Variants in CSMD1 observed in about 807,000 individuals in gnomAD.
CSMD1 encodes CUB and sushi domain-containing protein 1.
Under a neutral mutation model 417.5 loss-of-function variants are expected in CSMD1, and 213 were observed. The ratio of observed to expected loss-of-function variants is 0.51; its 90% CI spans 0.46 to 0.57. The LOEUF (loss-of-function observed/expected upper bound fraction) is 0.57. CSMD1 is among the 20% of genes least tolerant of loss of function. The pLI is 0.00. For missense variants in CSMD1, 6,923 were observed against 4,529.7 expected (o/e 1.53, Z -15.17); for synonymous variants, 2,862 against 1,736.8 (o/e 1.65, Z -16.11).
intron 3 of CSMD1, among the ~76,000 whole-genome samples, chr8:4,322,463 C>T (rs1380505225): frequency 1.3e-5 from 2 of 152,042 alleles, no homozygotes; most frequent in Non-Finnish European, 2.9e-5. Context: ...AAACCCATAG[C>T]TCTTAGGGAT....
intron 3 of CSMD1, among the ~76,000 whole-genome samples, chr8:4,046,180 G>A (rs1178874567): frequency 6.6e-6 from 1 of 151,980 alleles, no homozygotes; most frequent in Non-Finnish European, 1.5e-5. Flanking sequence ...ATTTATATGT[G>A]TATGTGTGCG....
intron 18 of CSMD1, among the ~76,000 whole-genome samples, chr8:3,384,262 A>T (rs1167779620): frequency 6.6e-6 from 1 of 152,132 alleles, no homozygotes; most frequent in African/African-American, 2.4e-5. Flanking sequence ...TTAAGTTTTG[A>T]ATCTTTATAT....
At chr8:3,600,572 G>C (rs762621662) in intron 8 of CSMD1, among the ~76,000 whole-genome samples, 2 of 152,284 alleles carry the variant, frequency 1.3e-5, no homozygotes, top group Middle Eastern at 3.4e-3. Flanking sequence ...TACTCACCCA[G>C]CTTGCCAGTA....
intron 1 of CSMD1, among the ~76,000 whole-genome samples, chr8:4,886,259 G>C (rs1803732009): frequency 6.6e-6 from 1 of 151,964 alleles, no homozygotes; most frequent in Admixed American, 6.6e-5. Context: ...CAAAATGCTG[G>C]AATTTCTGAT....
At chr8:3,127,805 T>C (rs1417862192) in intron 41 of CSMD1, 4 of 150,452 alleles carry the variant, frequency 2.7e-5, no homozygotes, top group African/African-American at 9.8e-5. Flanking sequence ...TGCAGCAATA[T>C]GCTTTATAAC....
rs547629413 is a variant in CSMD1 at position 4,021,618 on chromosome 8, T to C, written c.610+10287A>G. Among the ~76,000 whole-genome samples the C allele has an allele frequency of 5.9e-5, 9 of 152,292 alleles. No individual in the cohort carries two copies. In the South Asian group the frequency reaches 1.2e-3, roughly 21 times the overall value. ...TGATGCCCTCAAATGACTTATCACA[T>C]GTAGCTGCTCTTTTTAAACTCTCTC... On this transcript the variant is annotated intron_variant, in intron 4 of 69. Coordinates refer to ENST00000635120, the MANE Select transcript of CSMD1 (RefSeq NM_033225.6).
intron 3 of CSMD1, among the ~76,000 whole-genome samples, chr8:4,387,264 TA>T (rs1803514928): frequency 6.6e-6 from 1 of 152,184 alleles, no homozygotes; most frequent in African/African-American, 2.4e-5. Flanking sequence ...TCTTAAGCTA[TA>T]GGAGCAGACT....
At chr8:3,581,780 C>G (rs1800393152) in intron 9 of CSMD1, among the ~76,000 whole-genome samples, 1 of 152,112 alleles carries the variant, frequency 6.6e-6, no homozygotes, top group Non-Finnish European at 1.5e-5. Context: ...CAGGAAAATT[C>G]AAAACTATGA....
intron 4 of CSMD1, among the ~76,000 whole-genome samples, chr8:4,001,227 A>G (rs1815647080): frequency 6.6e-6 from 1 of 152,192 alleles, no homozygotes; most frequent in African/African-American, 2.4e-5. Context: ...TTCTTCTGGG[A>G]AAACCTCTCA....
intron 1 of CSMD1, among the ~76,000 whole-genome samples, chr8:4,820,362 C>A (rs947680636): frequency 1.3e-5 from 2 of 152,128 alleles, no homozygotes; most frequent in Admixed American, 6.6e-5. Context: ...GACTCATATG[C>A]ACTTCTATGA....
At chr8:4,420,734 G>C (rs1238884) in intron 2 of CSMD1, among the ~76,000 whole-genome samples, 13 of 152,170 alleles carry the variant, frequency 8.5e-5, no homozygotes, top group Non-Finnish European at 1.5e-4. Context: ...GCTGTGAGCC[G>C]TCTAGAGGGC....
At chr8:3,163,500 C>G (rs1307579973) in intron 37 of CSMD1, among the ~76,000 whole-genome samples, 2 of 152,034 alleles carry the variant, frequency 1.3e-5, no homozygotes, top group African/African-American at 4.8e-5. Flanking sequence ...ACGCAGCTGC[C>G]TGCACTGCCC....
intron 3 of CSMD1, among the ~76,000 whole-genome samples, chr8:4,240,606 C>A (rs1038743737): frequency 1.3e-5 from 2 of 152,184 alleles, no homozygotes; most frequent in African/African-American, 2.4e-5. Flanking sequence ...TCCTTTCACA[C>A]TGAGGATGGC....
intron 1 of CSMD1, among the ~76,000 whole-genome samples, chr8:4,638,194 A>G (rs933875702): frequency 1.3e-4 from 20 of 152,182 alleles, no homozygotes; most frequent in African/African-American, 4.8e-4. Flanking sequence ...GGTGCTATCT[A>G]CATAGTATCA....
chr8:4,203,527 G>C (rs1799788773), intron 3 of CSMD1, among the ~76,000 whole-genome samples: 1 of 152,148 alleles, frequency 6.6e-6, no homozygotes, highest in Non-Finnish European at 1.5e-5. Context: ...GTGAATCCAA[G>C]TACCTTCTGT....
At chr8:4,180,592 G>C (rs1011532530) in intron 3 of CSMD1, among the ~76,000 whole-genome samples, 4 of 151,614 alleles carry the variant, frequency 2.6e-5, no homozygotes, top group African/African-American at 7.2e-5. Context: ...ATTAAAAAAA[G>C]AAAAAATAAA....
At chr8:3,262,432 T>C (rs1321469242) in intron 26 of CSMD1, among the ~76,000 whole-genome samples, 1 of 151,398 alleles carries the variant, frequency 6.6e-6, no homozygotes. Context: ...TAATGACCAT[T>C]CTCTTGGAAT....
rs188288969 is a variant in CSMD1 at position 4,447,589 on chromosome 8, C to T, written c.303-27524G>A. On this transcript the variant is annotated intron_variant, in intron 2 of 69. Transcript: ENST00000635120. ...ATACCAATGCTCTGTCAACAGAAAA[C>T]GCTTTCATGTAATACTTCCCACTTG... Among the ~76,000 whole-genome samples the T allele has an allele frequency of 1.9e-3, 287 of 152,254 alleles. 1 individual carries two copies. Among genetic ancestry groups the T allele is most frequent in the African/African-American group, 6.6e-3 (274 of 41,566 alleles).
At chr8:3,612,602 G>C (rs1801947844) in intron 8 of CSMD1, among the ~76,000 whole-genome samples, 1 of 152,116 alleles carries the variant, frequency 6.6e-6, no homozygotes, top group Non-Finnish European at 1.5e-5. Context: ...ATCCTTTAAA[G>C]CATAATCTCT....
Sources: allele counts gnomAD v4.1 joint callset (sites outside exome capture counted in the v4.1 genomes callset), GRCh38; gene constraint gnomAD v4.1.1; transcripts MANE v1.5; gene names NCBI Gene and HGNC (gene_info 2026-07-23, HGNC 2026-07-21).